The following TRPM3 variants were observed in gnomAD, a reference collection of about 807,000 sequenced individuals.
The protein encoded by TRPM3 is transient receptor potential cation channel subfamily M member 3.
Under a neutral mutation model 181.2 loss-of-function variants are expected in TRPM3, and 77 were observed. The observed-to-expected ratio is 0.42, with a 90% CI of 0.35 to 0.51. The LOEUF (loss-of-function observed/expected upper bound fraction) is 0.51, where lower values mean the gene tolerates loss of function less well. TRPM3 is among the 20% of genes least tolerant of loss of function. The pLI, the probability that TRPM3 is intolerant of heterozygous loss-of-function variation, is 0.01. For synonymous variants in TRPM3, 745 were observed against 796.4 expected (o/e 0.94, Z 1.09); for missense variants, 1,759 against 2,196.7 (o/e 0.80, Z 3.98).
intron 22 of TRPM3, among the ~76,000 whole-genome samples, chr9:70,572,911 G>A (rs1057484328): frequency 4.6e-5 from 7 of 152,136 alleles, no homozygotes; most frequent in African/African-American, 1.7e-4. Context: ...TTGTTCAATT[G>A]TTCTCAATCT....
chr9:70,912,400 C>G (rs2096547461), intron 1 of TRPM3, among the ~76,000 whole-genome samples: 1 of 152,100 alleles, frequency 6.6e-6, no homozygotes, highest in Non-Finnish European at 1.5e-5. Context: ...ATTTTGACAT[C>G]TGATAAAGAA....
At chr9:71,252,847 C>CTCTTTTTT (rs1554854926) in intron 1 of TRPM3, among the ~76,000 whole-genome samples, 1,836 of 84,764 alleles carry the variant, frequency 0.022, 73 homozygotes, top group East Asian at 0.039. Context: ...AATTTTGTCT[C>CTCTTTTTT]TTTTTTTTTT....
At chr9:71,307,274 C>A (rs552706254) in intron 1 of TRPM3, among the ~76,000 whole-genome samples, 15 of 149,726 alleles carry the variant, frequency 1.0e-4, no homozygotes, top group African/African-American at 3.4e-4. Context: ...TTTCTATGTT[C>A]TTTGTTTTCC....
At chr9:71,230,931 A>G (rs1015335028) in intron 1 of TRPM3, among the ~76,000 whole-genome samples, 10 of 152,172 alleles carry the variant, frequency 6.6e-5, no homozygotes, top group African/African-American at 2.2e-4. Context: ...CAAATTTCTC[A>G]TATCACAGGA....
chr9:71,417,116 G>T (rs529660426), intron 1 of TRPM3, among the ~76,000 whole-genome samples: 23 of 152,044 alleles, frequency 1.5e-4, no homozygotes, highest in African/African-American at 4.8e-4. Context: ...TAATAAAGCT[G>T]CTAAGAACAT....
intron 1 of TRPM3, among the ~76,000 whole-genome samples, chr9:70,928,709 G>T (rs969531344): frequency 6.6e-6 from 1 of 152,146 alleles, no homozygotes; most frequent in African/African-American, 2.4e-5. Context: ...AAATCAGGAG[G>T]CCCTGAGGAA....
intron 1 of TRPM3, among the ~76,000 whole-genome samples, chr9:71,159,607 C>T (rs2076178419): frequency 6.6e-6 from 1 of 152,050 alleles, no homozygotes; most frequent in South Asian, 2.1e-4. Flanking sequence ...AACTGCCTTC[C>T]TTTGACTAGC....
At chr9:71,219,729 G>A (rs188136030) in intron 1 of TRPM3, among the ~76,000 whole-genome samples, 8 of 152,134 alleles carry the variant, frequency 5.3e-5, no homozygotes, top group African/African-American at 1.9e-4. Context: ...TCAGAACCAG[G>A]GCCAATCAGG....
At chr9:71,284,499 G>A (rs907728981) in intron 1 of TRPM3, among the ~76,000 whole-genome samples, 1 of 152,184 alleles carries the variant, frequency 6.6e-6, no homozygotes, top group African/African-American at 2.4e-5. Context: ...TTGTCTCTCA[G>A]CTCGCCTCTC....
intron 1 of TRPM3, among the ~76,000 whole-genome samples, chr9:70,867,426 G>C (rs78807500): frequency 0.012 from 1,875 of 152,188 alleles, 33 homozygotes; most frequent in African/African-American, 0.043. Flanking sequence ...TTGCCAGCTA[G>C]TTAGCGTTTC....
chr9:70,601,735 C>CTGGCAGCCTGCCCGTT (rs1248515382), intron 20 of TRPM3, among the ~76,000 whole-genome samples: 2 of 152,210 alleles, frequency 1.3e-5, no homozygotes, highest in African/African-American at 4.8e-5. Context: ...CTCGAGGCTC[C>CTGGCAGCCTGCCCGTT]TGGCAGCCTG....
At chr9:70,772,508 A>C (rs11142584) in intron 7 of TRPM3, among the ~76,000 whole-genome samples, 33,003 of 151,850 alleles carry the variant, frequency 0.22, 4,379 homozygotes, top group Non-Finnish European at 0.3. Flanking sequence ...TTTTTTGTAG[A>C]GACAGGGTTT....
intron 1 of TRPM3, among the ~76,000 whole-genome samples, chr9:71,305,836 C>T (rs1017331290): frequency 4.6e-5 from 7 of 151,982 alleles, no homozygotes; most frequent in African/African-American, 1.7e-4. Flanking sequence ...CATATCTGCT[C>T]GTTACTAGGA....
Position 70,610,787 on chromosome 9 carries a change from T to C in TRPM3, c.2527-38A>G, listed in dbSNP as rs191613624. 1.7e-5 allele frequency: 28 copies of C among 1,610,074 alleles called. No individual in the cohort carries two copies. The East Asian group carries it at 6.2e-4, about 36-fold the overall frequency. ...AGAATCGATACCATCATGACAGGGC[T>C]CTGGAGAGCATGTTGTTCAATGTGC... is the stretch of plus-strand genomic sequence containing the variant. On this transcript the variant is annotated intron_variant, in intron 18 of 25. Transcript: ENST00000677713.
intron 1 of TRPM3, among the ~76,000 whole-genome samples, chr9:71,029,593 TGTATAG>T (rs1332228165): frequency 2.0e-5 from 3 of 152,178 alleles, no homozygotes; most frequent in African/African-American, 7.2e-5. Flanking sequence ...ACCATGATAA[TGTATAG>T]ACAATCTAAG....
At chr9:71,313,404 A>G (rs1368949628) in intron 1 of TRPM3, among the ~76,000 whole-genome samples, 1 of 152,156 alleles carries the variant, frequency 6.6e-6, no homozygotes, top group African/African-American at 2.4e-5. Flanking sequence ...GTTTTATAAG[A>G]TAATCTTACA....
At chr9:71,210,974 T>G (rs1283719736) in intron 1 of TRPM3, among the ~76,000 whole-genome samples, 1 of 152,202 alleles carries the variant, frequency 6.6e-6, no homozygotes, top group Non-Finnish European at 1.5e-5. Flanking sequence ...GGATTAGGGC[T>G]CCACCCTATG....
intron 1 of TRPM3, among the ~76,000 whole-genome samples, chr9:71,442,062 G>A (rs115235910): frequency 3.3e-5 from 5 of 152,324 alleles, no homozygotes; most frequent in East Asian, 3.9e-4. Context: ...CCTCCTGCAC[G>A]CACAGCATCT....
At chr9:71,305,889 T>A (rs999594201) in intron 1 of TRPM3, among the ~76,000 whole-genome samples, 10 of 152,166 alleles carry the variant, frequency 6.6e-5, no homozygotes, top group Non-Finnish European at 1.5e-4. Flanking sequence ...TTAAAAAAAA[T>A]CTATCTTATA....
Sources: allele counts gnomAD v4.1 joint callset (sites outside exome capture counted in the v4.1 genomes callset), GRCh38; gene constraint gnomAD v4.1.1; transcripts MANE v1.5; gene names NCBI Gene and HGNC (gene_info 2026-07-23, HGNC 2026-07-21).